The following RIOK1 variants were observed in gnomAD, a reference collection of about 807,000 sequenced individuals.
The protein encoded by RIOK1 is RIO kinase 1.
A neutral mutation model predicts 73.5 loss-of-function variants in RIOK1; 66 were observed. That is an observed-to-expected ratio of 0.90 (90% confidence interval 0.74 to 1.10). The LOEUF (loss-of-function observed/expected upper bound fraction) is 1.10, where lower values mean the gene tolerates loss of function less well. Ranked by LOEUF, RIOK1 falls within the 50% of genes least tolerant of loss-of-function variation. The pLI, the probability that RIOK1 is intolerant of heterozygous loss-of-function variation, is 0.00. For missense variants in RIOK1, 658 were observed against 699.8 expected, an observed-to-expected ratio of 0.94 and a Z score of 0.67; for synonymous variants, 224 against 226.8, an observed-to-expected ratio of 0.99 and a Z score of 0.11.
chr6:7,393,356 T>G, intron 2 of RIOK1, 53 bp downstream of exon 2: 2 of 1,447,664 alleles, frequency 1.4e-6, no homozygotes, highest in South Asian at 2.3e-5. Flanking sequence ...ATGTCTACTT[T>G]TTTAAAAGGC....
At chr6:7,415,340 G>A (rs941108037) in intron 16 of RIOK1, among the ~76,000 whole-genome samples, 1 of 152,106 alleles carries the variant, frequency 6.6e-6, no homozygotes, top group Non-Finnish European at 1.5e-5. Context: ...GAAGTTTGAG[G>A]TTCTAGTGAG....
chr6:7,414,371 AC>A lies in RIOK1; in HGVS notation c.1580del (p.Pro527LeufsTer28). 1 of 1,603,658 alleles carries A rather than the reference AC, an allele frequency of 6.2e-7. No individual in the cohort carries two copies. Among genetic ancestry groups the A allele is most frequent in the Admixed American group, 1.8e-5 (1 of 56,618 alleles). On this transcript the variant is annotated frameshift_variant, in exon 16 of 17. Transcript: ENST00000379834. LOFTEE classifies it high-confidence loss of function. The stretch of plus-strand genomic sequence containing the variant: ...GCCCGCCCCAAGAAACACACCACGG[AC>A]CCTGACATTGATAAAAAAGTAAGCA... The part of the protein sequence containing the change: ...DHARPKKHTT[D>X]PDIDKKERKK...
At chr6:7,395,233 G>C in intron 3 of RIOK1, 90 bp downstream of exon 3, 1 of 1,440,690 alleles carries the variant, frequency 6.9e-7, no homozygotes, top group Non-Finnish European at 9.5e-7. Flanking sequence ...AGAAATGAAG[G>C]CTGGCCGTGG....
At chr6:7,390,186 C>T in intron 1 of RIOK1, 113 bp downstream of exon 1, 1 of 867,518 alleles carries the variant, frequency 1.2e-6, no homozygotes, top group Non-Finnish European at 1.8e-6. Context: ...CATCACTCAG[C>T]GTCTCTCTTG....
chr6:7,395,736 G>T (rs1761458909), intron 3 of RIOK1, among the ~76,000 whole-genome samples: 1 of 150,992 alleles, frequency 6.6e-6, no homozygotes. Context: ...TTGAGACAGG[G>T]TCTCACTCTG....
chr6:7,391,340 G>A lies in RIOK1; in HGVS notation c.71+1267G>A, dbSNP rs117463005. On this transcript the variant is annotated intron_variant, in intron 1 of 16. Coordinates refer to ENST00000379834, the MANE Select transcript of RIOK1 (RefSeq NM_031480.3). ...TTAAATAATTAGACTATTTGTATTC[G>A]AATTGGGTAAGTAGTACAAAGGAGA... Among the ~76,000 whole-genome samples the A allele has an allele frequency of 6.7e-4, 102 of 152,196 alleles. 2 individuals carry two copies. The East Asian group carries it at 0.013, about 19-fold the overall frequency.
rs1761717429 is a variant in RIOK1 at position 7,405,290 on chromosome 6, G to A, written c.1138G>A (p.Glu380Lys). ...CAGTGTTGCTGTCATGACTGTGCGG[G>A]AGCTCTTTGAATTTGTCACAGATCC... ...RHSVAVMTVR[E>K]LFEFVTDPSI... Residue 380 changes from glutamate (E) to lysine (K), a missense_variant, in exon 12 of 17, where the codon GAG becomes AAG. Transcript: ENST00000379834. 6.2e-7 allele frequency: 1 copy of A among 1,613,458 alleles called. No individual in the cohort carries two copies. The highest frequency in any genetic ancestry group is 1.3e-5 in the African/African-American group (1 of 74,884).
chr6:7,417,368 A>G lies in RIOK1; in HGVS notation c.1634A>G (p.Lys545Arg). ...KKMVKEAQREKRKNKIPKHVK... is the reference protein window; with the variant it reads ...KKMVKEAQRERRKNKIPKHVK... ...ATGGTCAAGGAAGCCCAGAGAGAGA[A>G]AAGAAAAAACAAAATTCCTAAACAT... Residue 545 changes from lysine (K) to arginine (R), a missense_variant, in exon 17 of 17, where the codon AAA becomes AGA. Physicochemically the swap from Lys to Arg is conservative, Grantham distance 26. Transcript: ENST00000379834. 6.4e-7 allele frequency: 1 copy of G among 1,566,392 alleles called. No individual in the cohort carries two copies. Among genetic ancestry groups the G allele is most frequent in the South Asian group, 1.2e-5 (1 of 83,174 alleles).
intron 14 of RIOK1, 143 bp downstream of exon 14, chr6:7,411,594 C>T (rs1761884155): frequency 3.7e-6 from 3 of 816,286 alleles, no homozygotes; most frequent in Admixed American, 5.7e-5. Context: ...TCTGTGTTAA[C>T]TTGTGTGCAC....
At chr6:7,397,271 A>T (rs1761497906) in intron 4 of RIOK1, among the ~76,000 whole-genome samples, 1 of 152,186 alleles carries the variant, frequency 6.6e-6, no homozygotes, top group African/African-American at 2.4e-5. Flanking sequence ...CTCAAAAATA[A>T]ATACATAAAA....
rs1308256279 is a variant in RIOK1 at position 7,393,227 on chromosome 6, A to C, written c.200A>C (p.Asp67Ala). 6.2e-7 allele frequency: 1 copy of C among 1,613,880 alleles called. No individual in the cohort carries two copies. The highest frequency in any genetic ancestry group is 1.3e-5 in the African/African-American group (1 of 74,924). The change falls in exon 2 of 17, where the codon GAT becomes GCT. Residue 67 changes from aspartate to alanine, a missense_variant. Asp to Ala is a moderately radical substitution (Grantham distance 126, BLOSUM62 -2). Transcript: ENST00000379834. ...GAGGAGGAGGGTTATGACGATGATG[A>C]TGATGACTGGGACTGGGATGAAGGA... ...DEEEEGYDDD[D>A]DDWDWDEGVG...
At chr6:7,410,572 A>C (rs1761861901) in intron 13 of RIOK1, 121 bp downstream of exon 13, 2 of 645,056 alleles carry the variant, frequency 3.1e-6, no homozygotes, top group African/African-American at 1.8e-5. Context: ...AATGATGGTA[A>C]TATTTCCTTA....
chr6:7,412,987 T>A, intron 15 of RIOK1, 45 bp downstream of exon 15: 1 of 1,116,222 alleles, frequency 9.0e-7, no homozygotes, highest in Non-Finnish European at 1.3e-6. Context: ...AAAACAGTTT[T>A]AAAGGATATA....
In RIOK1 at chr6:7,404,400, T is replaced by TAAA. The variant is rs756123422; in HGVS notation, c.855-17_855-16insAAA. 14 of 1,613,388 alleles carry TAAA rather than the reference T, an allele frequency of 8.7e-6. No homozygotes were observed. Among genetic ancestry groups the TAAA allele is most frequent in the Admixed American group, 5.0e-5 (3 of 59,954 alleles). ...AAACTTGTTCTTGGTCATTTTATCT[T>TAAA]AGTTCTTTTCATTCAAGGCCTGCAC... On this transcript the variant is annotated splice_polypyrimidine_tract_variant and intron_variant, in intron 9 of 16. Coordinates refer to ENST00000379834, the MANE Select transcript of RIOK1 (RefSeq NM_031480.3).
chr6:7,408,183 C>T (rs1471916309), intron 12 of RIOK1, among the ~76,000 whole-genome samples: 2 of 152,146 alleles, frequency 1.3e-5, no homozygotes, highest in Non-Finnish European at 2.9e-5. Context: ...ATTATGGGCA[C>T]CTGCCATCAT....
At chr6:7,414,466 T>A in intron 16 of RIOK1, 76 bp downstream of exon 16, 1 of 1,320,318 alleles carries the variant, frequency 7.6e-7, no homozygotes, top group Non-Finnish European at 1.0e-6. Flanking sequence ...CTCAAGGATC[T>A]AGCTAGATTA....
chr6:7,399,010 C>T (rs1761547017), intron 5 of RIOK1, among the ~76,000 whole-genome samples: 1 of 152,140 alleles, frequency 6.6e-6, no homozygotes, highest in Non-Finnish European at 1.5e-5. Flanking sequence ...GACCAGCAAT[C>T]TTTTAGAAAA....
At chr6:7,414,939 G>C (rs1159849071) in intron 16 of RIOK1, among the ~76,000 whole-genome samples, 2 of 152,200 alleles carry the variant, frequency 1.3e-5, no homozygotes, top group Non-Finnish European at 2.9e-5. Context: ...ACGTGGTCCA[G>C]CGTCTTCACA....
chr6:7,398,321 A>G (rs535413995), intron 4 of RIOK1, among the ~76,000 whole-genome samples: 166 of 152,240 alleles, frequency 1.1e-3, no homozygotes, highest in African/African-American at 3.8e-3. Context: ...TAAAAAAAAA[A>G]AAGAAGACAA....
Sources: allele counts gnomAD v4.1 joint callset (sites outside exome capture counted in the v4.1 genomes callset), GRCh38; gene constraint gnomAD v4.1.1; transcripts MANE v1.5; gene names NCBI Gene and HGNC (gene_info 2026-07-23, HGNC 2026-07-21).